The following SVOPL variants were observed in gnomAD, a reference collection of about 807,000 sequenced individuals.
The protein encoded by SVOPL is putative transporter SVOPL.
SVOPL carries 60 observed loss-of-function variants against 61.0 expected under a neutral mutation model. That is an observed-to-expected ratio of 0.98 (90% CI 0.80 to 1.22). SVOPL has a LOEUF of 1.22. Among genes scored for constraint, SVOPL ranks in the 50% most tolerant of loss-of-function variants. The pLI is 0.00. For missense variants in SVOPL, 662 were observed against 643.9 expected, an observed-to-expected ratio of 1.03 and a Z score of -0.30; for synonymous variants, 279 against 250.0, an observed-to-expected ratio of 1.12 and a Z score of -1.09.
intron 1 of SVOPL, among the ~76,000 whole-genome samples, chr7:138,692,737 A>T (rs1405112011): frequency 6.6e-6 from 1 of 152,168 alleles, no homozygotes; most frequent in Non-Finnish European, 1.5e-5. Flanking sequence ...AGTGAGCAAG[A>T]TTTACATGGC....
intron 9 of SVOPL, 45 bp from the exon 10 acceptor site, chr7:138,630,167 ATG>A (rs1800109573): frequency 2.1e-6 from 3 of 1,459,984 alleles, no homozygotes; most frequent in Non-Finnish European, 2.9e-6. Context: ...CAGCTTAAGG[ATG>A]AACGGAGATG....
At chr7:138,661,322 G>A (rs1801989512) in intron 5 of SVOPL, 2 of 985,374 alleles carry the variant, frequency 2.0e-6, no homozygotes, top group Non-Finnish European at 2.4e-6. Flanking sequence ...AGCAAAATGT[G>A]TAGCTGCTTA....
At chr7:138,609,836 G>A (rs531307685) in intron 14 of SVOPL, among the ~76,000 whole-genome samples, 13 of 151,926 alleles carry the variant, frequency 8.6e-5, no homozygotes, top group Non-Finnish European at 1.8e-4. Flanking sequence ...AGTTTCAATC[G>A]ATTCTCCTGC....
intron 13 of SVOPL, among the ~76,000 whole-genome samples, chr7:138,623,888 C>T (rs1040684639): frequency 5.3e-5 from 8 of 151,924 alleles, no homozygotes; most frequent in Admixed American, 2.6e-4. Context: ...GGCTCGGTTT[C>T]GACTCACCGC....
chr7:138,623,347 T>C lies in SVOPL; in HGVS notation c.1264-2212A>G, dbSNP rs562601074. Among the ~76,000 whole-genome samples the C allele has an allele frequency of 1.3e-3, 202 of 152,306 alleles. 1 individual carries two copies. Among genetic ancestry groups the C allele is most frequent in the African/African-American group, 4.7e-3 (197 of 41,578 alleles). On this transcript the variant is annotated intron_variant, in intron 13 of 15. Transcript: ENST00000674285. ...TGGGCACGGTGGCTCACGCCTGTAA[T>C]CCGAGCACTTTGGGAGGCCGAGGCG...
intron 3 of SVOPL, among the ~76,000 whole-genome samples, chr7:138,676,986 C>G (rs1802580118): frequency 6.6e-6 from 1 of 150,540 alleles, no homozygotes; most frequent in South Asian, 2.1e-4. Context: ...TCACTGCAAC[C>G]TCCACCTCCC....
chr7:138,602,102 G>A (rs1447357242), intron 14 of SVOPL, among the ~76,000 whole-genome samples: 2 of 151,978 alleles, frequency 1.3e-5, no homozygotes, highest in Non-Finnish European at 2.9e-5. Context: ...CCAAATATTC[G>A]AAGGCTGAGG....
At chr7:138,599,159 C>CAAAAAAAAAA (rs1336279820) in intron 14 of SVOPL, among the ~76,000 whole-genome samples, 2 of 82,738 alleles carry the variant, frequency 2.4e-5, no homozygotes, top group Non-Finnish European at 4.4e-5. Context: ...AAAAAAAAAC[C>CAAAAAAAAAA]AAAAAAAAAA....
chr7:138,659,161 T>C (rs1801886093), intron 6 of SVOPL, among the ~76,000 whole-genome samples: 1 of 152,186 alleles, frequency 6.6e-6, no homozygotes, highest in Non-Finnish European at 1.5e-5. Context: ...GGACATTCTT[T>C]TCTACTGATA....
Position 138,628,325 on chromosome 7 carries a change from G to A in SVOPL, c.902C>T (p.Ala301Val). ...ISFAYYGVIL[A>V]SAELLERDLV... The stretch of plus-strand genomic sequence containing the variant: ...GTCCCGCTCCAGCAGCTCAGCACTG[G>A]CCAGGATAACCCCATAGTAGGCAAA... The change falls in exon 11 of 16, where the codon GCC (alanine) becomes GTC (valine). Residue 301 changes from alanine (A) to valine (V), a missense_variant. Coordinates refer to ENST00000674285, the MANE Select transcript of SVOPL (RefSeq NM_001139456.2). 1.2e-6 allele frequency: 2 copies of A among 1,614,134 alleles called. No individual in the cohort carries two copies. The highest frequency in any genetic ancestry group is 1.7e-6 in the Non-Finnish European group (2 of 1,180,050).
intron 15 of SVOPL, among the ~76,000 whole-genome samples, chr7:138,595,920 G>A (rs1798256038): frequency 6.6e-6 from 1 of 152,112 alleles, no homozygotes; most frequent in Non-Finnish European, 1.5e-5. Context: ...GGGCACGGTG[G>A]CTCACATCTG....
intron 14 of SVOPL, among the ~76,000 whole-genome samples, chr7:138,599,146 A>G (rs1239994422): frequency 1.7e-5 from 1 of 58,866 alleles, no homozygotes; most frequent in Non-Finnish European, 3.2e-5. Flanking sequence ...GTCTCCAAAA[A>G]AAAAAAAAAA....
chr7:138,668,771 C>T (rs77346499), intron 4 of SVOPL, among the ~76,000 whole-genome samples: 2,124 of 152,300 alleles, frequency 0.014, 55 homozygotes, highest in African/African-American at 0.049. Context: ...GGGGCTACTC[C>T]TTTGAGCACA....
Position 138,674,895 on chromosome 7 carries a change from T to C in SVOPL, c.175-2778A>G, listed in dbSNP as rs1037927437. On this transcript the variant is annotated intron_variant, in intron 3 of 15. Coordinates refer to ENST00000674285, the MANE Select transcript of SVOPL (RefSeq NM_001139456.2). ...AAGATACTTGAAGACCAGAGATCAT[T>C]TCACTTCCTTGAGATGTTCTGGGTG... is the stretch of plus-strand genomic sequence containing the variant. Among the ~76,000 whole-genome samples, 8 of 151,758 alleles carry C rather than the reference T, an allele frequency of 5.3e-5. No homozygotes were observed. In the South Asian group the frequency reaches 1.7e-3, roughly 32 times the overall value.
At chr7:138,625,366 G>A (rs1241244928) in intron 13 of SVOPL, among the ~76,000 whole-genome samples, 2 of 152,076 alleles carry the variant, frequency 1.3e-5, no homozygotes, top group East Asian at 1.9e-4. Context: ...ACTGTTTCCT[G>A]TAGCTCAACG....
At chr7:138,684,905 G>C (rs184435946) in intron 1 of SVOPL, among the ~76,000 whole-genome samples, 1,958 of 151,236 alleles carry the variant, frequency 0.013, 38 homozygotes, top group African/African-American at 0.045. Flanking sequence ...TTGGGTACAT[G>C]CATACAAGGG....
chr7:138,658,047 C>T (rs1016692211), intron 6 of SVOPL, among the ~76,000 whole-genome samples: 2 of 152,194 alleles, frequency 1.3e-5, no homozygotes, highest in Non-Finnish European at 2.9e-5. Flanking sequence ...AATCAGAGCT[C>T]GCTTTGGTCG....
At position 138,594,516 on chromosome 7, in the gene SVOPL, C is replaced by A; in HGVS notation, c.*94G>T. 8.5e-7 allele frequency: 1 copy of A among 1,173,964 alleles called. No individual in the cohort carries two copies. The allele number at this position is 1,173,964 out of a possible 1,614,324, so 72.7% of individuals were successfully genotyped here. A position where few individuals can be genotyped will look rare whatever the true frequency, so the allele number is the denominator to read the frequency against. On this transcript the variant is annotated 3_prime_UTR_variant, in exon 16 of 16. Transcript: ENST00000674285. ...AATCACTTTACTAATTACCGAGTAGCATACAGAAGTAAAACCAAGTTTTAA... is the reference window on the plus strand; with the variant it reads ...AATCACTTTACTAATTACCGAGTAGAATACAGAAGTAAAACCAAGTTTTAA...
At chr7:138,603,171 A>G (rs976058108) in intron 14 of SVOPL, among the ~76,000 whole-genome samples, 3 of 152,162 alleles carry the variant, frequency 2.0e-5, no homozygotes, top group Non-Finnish European at 2.9e-5. Flanking sequence ...CTGGCAATAA[A>G]TTACAGATAA....
Sources: gnomAD v4.1 joint callset for allele counts (sites outside exome capture counted in the v4.1 genomes callset) on GRCh38, gnomAD v4.1.1 for gene constraint, MANE v1.5 for transcripts, NCBI Gene and HGNC (gene_info 2026-07-23, HGNC 2026-07-21) for gene names.